GCN1: variants seen among roughly 807,000 people sequenced by gnomAD.
GCN1 encodes GCN1 activator of EIF2AK4.
A neutral mutation model predicts 288.4 loss-of-function variants in GCN1; 90 were observed. The ratio of observed to expected loss-of-function variants is 0.31; its 90% confidence interval spans 0.26 to 0.37. The LOEUF (loss-of-function observed/expected upper bound fraction) is 0.37, where lower values mean the gene tolerates loss of function less well. Among genes scored for constraint, GCN1 ranks in the 10% least tolerant of loss-of-function variants. The pLI is 1.00. For missense variants in GCN1, 2,586 were observed against 3,419.9 expected, an observed-to-expected ratio of 0.76 and a Z score of 6.08; for synonymous variants, 1,386 against 1,420.2, an observed-to-expected ratio of 0.98 and a Z score of 0.54.
intron 4 of GCN1, 79 bp from the exon 5 acceptor site, chr12:120,183,756 G>C (rs1445101668): frequency 1.2e-6 from 1 of 825,328 alleles, no homozygotes; most frequent in Non-Finnish European, 2.1e-6. Flanking sequence ...GGCCCCGCCT[G>C]GTAATGCAGG....
chr12:120,137,835 G>T lies in GCN1; in HGVS notation c.6394-21C>A, dbSNP rs750111164. ...ATCTCCTGCAAACCACAAGGGACAT[G>T]TGTGCTGAGCAGGGATCCTCCGGGC... On this transcript the variant is annotated intron_variant, in intron 48 of 57. Coordinates refer to ENST00000300648, the MANE Select transcript of GCN1 (RefSeq NM_006836.2). This position sits in a 1 kb window ranked among gnomAD's most constrained non-coding sequence, Gnocchi z 5.2. The T allele has an allele frequency of 6.2e-7, 1 of 1,613,102 alleles. No individual in the cohort carries two copies. Among genetic ancestry groups the T allele is most frequent in the Non-Finnish European group, 8.5e-7 (1 of 1,179,076 alleles).
At position 120,153,238 on chromosome 12, in the gene GCN1, G is replaced by A. The variant is rs749507375; in HGVS notation, c.4037C>T (p.Ala1346Val). 1 of 1,614,090 alleles carries A rather than the reference G, an allele frequency of 6.2e-7. No individual in the cohort carries two copies. The highest frequency in any genetic ancestry group is 1.3e-5 in the African/African-American group (1 of 74,932). The change falls in exon 33 of 58, where the codon GCT becomes GTT. Residue 1346 changes from alanine (A) to valine (V), a missense_variant. Physicochemically the swap from Ala to Val is moderately conservative, Grantham distance 64. Coordinates refer to ENST00000300648, the MANE Select transcript of GCN1 (RefSeq NM_006836.2). The surrounding 1 kb of genome is among the most constrained non-coding windows in gnomAD (Gnocchi z 4.4). ...KVKPIVAKLI[A>V]ALSTPSQQVQ... is the part of the protein sequence containing the mutation. The stretch of plus-strand genomic sequence containing the variant: ...CTGCTGGGAGGGGGTGGAGAGGGCA[G>A]CGATGAGCTTGGCAACAATGGGCTT...
intron 37 of GCN1, 129 bp downstream of exon 37, chr12:120,148,038 A>G (rs1274052685): frequency 4.6e-6 from 3 of 659,144 alleles, no homozygotes; most frequent in Non-Finnish European, 7.9e-6. Context: ...CAGTGTCCCT[A>G]TTTCACTGTG....
chr12:120,192,685 T>C (rs752499630), intron 1 of GCN1, among the ~76,000 whole-genome samples: 4 of 149,876 alleles, frequency 2.7e-5, no homozygotes, highest in African/African-American at 4.9e-5. Context: ...TGAGCCAAGA[T>C]TGTGCCACTG....
chr12:120,162,130 T>C, intron 20 of GCN1, 72 bp from the exon 21 acceptor site: 1 of 1,283,032 alleles, frequency 7.8e-7, no homozygotes, highest in Non-Finnish European at 1.1e-6. Flanking sequence ...CACACCTGAA[T>C]GCCCCTAGCA....
rs1016987038 is a variant in GCN1, at chr12:120,157,845, C to A, written c.3087+4G>T. 7.4e-6 allele frequency: 12 copies of A among 1,612,232 alleles called. No individual in the cohort carries two copies. The Admixed American group carries it at 1.8e-4, about 25-fold the overall frequency. On this transcript the variant is annotated splice_donor_region_variant and intron_variant, in intron 26 of 57. Coordinates refer to ENST00000300648, the MANE Select transcript of GCN1 (RefSeq NM_006836.2). ...CAAGAGGAGAGCAGAGCTTCCCTGC[C>A]AACCTCGTCCACCCGCCCGGGTGGG...
chr12:120,137,748 C>T lies in GCN1; in HGVS notation c.6460G>A (p.Glu2154Lys), dbSNP rs1877057321. The change falls in exon 49 of 58, where the codon GAG becomes AAG. Residue 2154 changes from glutamate (E) to lysine (K), a missense_variant. Physicochemically the swap from Glu to Lys is moderately conservative, Grantham distance 56 (BLOSUM62 1). Transcript: ENST00000300648. This position sits in a 1 kb window ranked among gnomAD's most constrained non-coding sequence, Gnocchi z 5.2. ...EDDTGHRIII[E>K]DLLEATRSPE... ...CTGCGGGTGGCCTCCAGCAGATCCT[C>T]GATGATGATCCGGTGCCCTGTGTCA... 1.2e-6 allele frequency: 2 copies of T among 1,614,048 alleles called. No individual in the cohort carries two copies. The highest frequency in any genetic ancestry group is 1.7e-6 in the Non-Finnish European group (2 of 1,179,960).
rs201269282 is a variant in GCN1 at position 120,175,199 on chromosome 12, T to C, written c.1056A>G (p.Lys352=). The part of the protein sequence containing the change: ...LFAILGGSEG[K]LTVVAQKMSV... ...TCATCTTCTGGGCTACAACAGTTAG[T>C]TTTCCTTCCGAGCCTGAGAAGAGAG... is the stretch of plus-strand genomic sequence containing the variant. The change falls in exon 12 of 58, where the codon AAA becomes AAG. Residue 352 remains lysine, a synonymous_variant. Coordinates refer to ENST00000300648, the MANE Select transcript of GCN1 (RefSeq NM_006836.2). 5.6e-6 allele frequency: 9 copies of C among 1,612,312 alleles called. No homozygotes were observed. The highest frequency in any genetic ancestry group is 1.7e-5 in the Admixed American group (1 of 59,900).
chr12:120,152,623 C>T (rs1205878155), intron 33 of GCN1, among the ~76,000 whole-genome samples: 2 of 126,204 alleles, frequency 1.6e-5, no homozygotes, highest in East Asian at 4.6e-4. Context: ...AAAATGCAAA[C>T]CACACACACA....
Position 120,134,414 on chromosome 12 carries a change from G to A in GCN1, c.7203-9C>T. On this transcript the variant is annotated splice_polypyrimidine_tract_variant and intron_variant, in intron 52 of 57. Transcript: ENST00000300648. This position sits in a 1 kb window ranked among gnomAD's most constrained non-coding sequence, Gnocchi z 5.0. ...CCTGCAGCATGGTGTCCCTGCAGAA[G>A]CAATGCACCGCCTTAAGCCCTGGGT... 1 of 1,607,360 alleles carries A rather than the reference G, an allele frequency of 6.2e-7. No individual in the cohort carries two copies. The highest frequency in any genetic ancestry group is 8.5e-7 in the Non-Finnish European group (1 of 1,174,030).
In GCN1 at chr12:120,176,195, T is replaced by C. The variant is rs756057633; in HGVS notation, c.861A>G (p.Ser287=). ...CATACTGGCTGAGGTCAAGCGTCACTGATGCCAGCAGACTAGAAATAGCTA... is the reference window on the plus strand; with the variant it reads ...CATACTGGCTGAGGTCAAGCGTCACCGATGCCAGCAGACTAGAAATAGCTA... ...VIETISSLLA[S]VTLDLSQYAM... Residue 287 remains serine (S), a synonymous_variant, in exon 10 of 58, where the codon TCA becomes TCG. Coordinates refer to ENST00000300648, the MANE Select transcript of GCN1 (RefSeq NM_006836.2). The C allele has an allele frequency of 1.4e-5, 23 of 1,611,064 alleles. No individual in the cohort carries two copies. Among genetic ancestry groups the C allele is most frequent in the African/African-American group, 1.1e-4 (8 of 74,988 alleles).
At chr12:120,186,507 A>G (rs1188197093) in intron 2 of GCN1, among the ~76,000 whole-genome samples, 3 of 152,188 alleles carry the variant, frequency 2.0e-5, no homozygotes, top group African/African-American at 7.2e-5. Flanking sequence ...TGTAAGACAG[A>G]CTTATACTGG....
Position 120,134,841 on chromosome 12 carries a change from A to C in GCN1, c.7009-115T>G. The C allele has an allele frequency of 5.4e-5, 47 of 873,336 alleles. No individual in the cohort carries two copies. Among genetic ancestry groups the C allele is most frequent in the Non-Finnish European group, 8.1e-5 (44 of 544,362 alleles). 54.1% of individuals were successfully genotyped at this position (873,336 alleles called of 1,614,324 possible). A position where few individuals can be genotyped will look rare whatever the true frequency, so the allele number is the denominator to read the frequency against. ...AACCACCACAGCGAGTCCAGCTCTCATACAGGGCTGGGGACAGATAGCCCG... is the reference window on the plus strand; with the variant it reads ...AACCACCACAGCGAGTCCAGCTCTCCTACAGGGCTGGGGACAGATAGCCCG... On this transcript the variant is annotated intron_variant, in intron 51 of 57. Coordinates refer to ENST00000300648, the MANE Select transcript of GCN1 (RefSeq NM_006836.2). The surrounding 1 kb of genome is among the most constrained non-coding windows in gnomAD (Gnocchi z 5.0).
chr12:120,194,670 C>G lies in GCN1; in HGVS notation c.18+10G>C. On this transcript the variant is annotated intron_variant, in intron 1 of 57. Coordinates refer to ENST00000300648, the MANE Select transcript of GCN1 (RefSeq NM_006836.2). ...CCTGGCCGCGTTGGCCCCGCAGCCG[C>G]CCGCCTCACCTGCGTGTCCGCCGCC... 1.3e-6 allele frequency: 2 copies of G among 1,514,600 alleles called. No individual in the cohort carries two copies. Among genetic ancestry groups the G allele is most frequent in the Non-Finnish European group, 1.8e-6 (2 of 1,137,864 alleles). 93.8% of individuals were successfully genotyped at this position (1,514,600 alleles called of 1,614,324 possible). A position where few individuals can be genotyped will look rare whatever the true frequency, so the allele number is the denominator to read the frequency against.
Position 120,136,865 on chromosome 12 carries a change from A to G in GCN1, c.6778-133T>C, listed in dbSNP as rs1355687934. On this transcript the variant is annotated intron_variant, in intron 50 of 57. Coordinates refer to ENST00000300648, the MANE Select transcript of GCN1 (RefSeq NM_006836.2). ...GAGATATTGATTTGGGCTGAATCTC[A>G]GGATCACAGCCTGAGAGGGCTGGCT... is the stretch of plus-strand genomic sequence containing the variant. 3 of 682,908 alleles carry G rather than the reference A, an allele frequency of 4.4e-6. 1 individual carries two copies. Among genetic ancestry groups the G allele is most frequent in the South Asian group, 3.7e-5 (2 of 54,574 alleles). The allele number at this position is 682,908 out of a possible 1,614,324, so 42.3% of individuals were successfully genotyped here. A position where few individuals can be genotyped will look rare whatever the true frequency, so the allele number is the denominator to read the frequency against.
chr12:120,138,979 T>C, intron 45 of GCN1, 123 bp from the exon 46 acceptor site: 1 of 774,718 alleles, frequency 1.3e-6, no homozygotes, highest in Non-Finnish European at 2.1e-6. Context: ...TTGCCTGACT[T>C]GTCTTTTAAC....
chr12:120,146,015 C>T (rs1877348625), intron 38 of GCN1, among the ~76,000 whole-genome samples: 1 of 151,992 alleles, frequency 6.6e-6, no homozygotes, highest in Non-Finnish European at 1.5e-5. Context: ...GCCTATAATT[C>T]CAGCACTTTG....
chr12:120,175,976 G>T, intron 10 of GCN1, 102 bp from the exon 11 acceptor site: 3 of 1,448,116 alleles, frequency 2.1e-6, no homozygotes, highest in Non-Finnish European at 2.9e-6. Flanking sequence ...TTAGCTGTTT[G>T]CTCTCATTCA....
In GCN1 at chr12:120,142,779, G is replaced by A; in HGVS notation, c.5613+45C>T. ...GAAGCCTCTATGGCATGGGCATCAGGGCACACCCTACCATCAGCAGGGGCA... is the reference window on the plus strand; with the variant it reads ...GAAGCCTCTATGGCATGGGCATCAGAGCACACCCTACCATCAGCAGGGGCA... On this transcript the variant is annotated intron_variant, in intron 43 of 57. Coordinates refer to ENST00000300648, the MANE Select transcript of GCN1 (RefSeq NM_006836.2). The surrounding 1 kb of genome is among the most constrained non-coding windows in gnomAD (Gnocchi z 4.9). The A allele has an allele frequency of 1.3e-6, 2 of 1,597,274 alleles. No homozygotes were observed. Among genetic ancestry groups the A allele is most frequent in the East Asian group, 2.2e-5 (1 of 44,788 alleles).
Sources: allele counts gnomAD v4.1 joint callset (sites outside exome capture counted in the v4.1 genomes callset), GRCh38; gene constraint gnomAD v4.1.1; non-coding constraint Gnocchi (gnomAD v3.1); transcripts MANE v1.5; gene names NCBI Gene and HGNC (gene_info 2026-07-23, HGNC 2026-07-21).